The following ERBB4 variants were observed in gnomAD, a reference collection of about 807,000 sequenced individuals.
ERBB4 encodes receptor tyrosine-protein kinase erbB-4.
Under a neutral mutation model 158.0 loss-of-function variants are expected in ERBB4, and 42 were observed. The ratio of observed to expected loss-of-function variants is 0.27; its 90% CI spans 0.21 to 0.34. The LOEUF (loss-of-function observed/expected upper bound fraction) is 0.34, where lower values mean the gene tolerates loss of function less well. Ranked by LOEUF, ERBB4 falls within the 10% of genes least tolerant of loss-of-function variation. The pLI, the probability that ERBB4 is intolerant of heterozygous loss-of-function variation, is 1.00. For synonymous variants in ERBB4, 583 were observed against 558.7 expected, an observed-to-expected ratio of 1.04 and a Z score of -0.61; for missense variants, 1,333 against 1,624.1, an observed-to-expected ratio of 0.82 and a Z score of 3.08.
At chr2:211,775,317 T>C (rs2075845770) in intron 4 of ERBB4, among the ~76,000 whole-genome samples, 1 of 152,182 alleles carries the variant, frequency 6.6e-6, no homozygotes, top group Non-Finnish European at 1.5e-5. Flanking sequence ...TGTAAAGTTA[T>C]TTCTAGTTAA....
At position 212,430,896 on chromosome 2, in the gene ERBB4, G is replaced by C. The variant is rs541050912; in HGVS notation, c.82+107553C>G. 5.9e-5 allele frequency among the ~76,000 whole-genome samples: 9 copies of C among 152,120 alleles called. No homozygotes were observed. In the East Asian group the frequency reaches 1.6e-3, roughly 26 times the overall value. Reference sequence around the variant, plus strand: ...AGACAGTGACACAAAGACAAGGAGAGACAGAGACAAAGATTGAGATTGTGG... The same window carrying C: ...AGACAGTGACACAAAGACAAGGAGACACAGAGACAAAGATTGAGATTGTGG... On this transcript the variant is annotated intron_variant, in intron 1 of 27. Transcript: ENST00000342788.
rs1422763920 is a variant in ERBB4 at position 211,773,629 on chromosome 2, T to A, written c.556+14396A>T. On this transcript the variant is annotated intron_variant, in intron 4 of 27. Coordinates refer to ENST00000342788, the MANE Select transcript of ERBB4 (RefSeq NM_005235.3). ...ATATATATATATATATATATATATATATATATATATATATATATAATATAT... is the reference window on the plus strand; with the variant it reads ...ATATATATATATATATATATATATAAATATATATATATATATATAATATAT... Among the ~76,000 whole-genome samples the A allele has an allele frequency of 2.0e-4, 10 of 51,060 alleles. 1 individual carries two copies. Among genetic ancestry groups the A allele is most frequent in the Non-Finnish European group, 2.0e-4 (5 of 24,614 alleles). 33.5% of individuals were successfully genotyped at this position (51,060 alleles called of 152,430 possible).
At chr2:212,053,805 A>G (rs2077473167) in intron 2 of ERBB4, among the ~76,000 whole-genome samples, 1 of 152,178 alleles carries the variant, frequency 6.6e-6, no homozygotes, top group Admixed American at 6.5e-5. Context: ...AATCTTACGC[A>G]TATTCAGGTT....
chr2:211,974,029 A>G (rs1254856273), intron 2 of ERBB4, among the ~76,000 whole-genome samples: 2 of 152,346 alleles, frequency 1.3e-5, no homozygotes, highest in African/African-American at 4.8e-5. Flanking sequence ...GAGGTGAACA[A>G]TGAGAACACA....
chr2:211,951,016 A>C (rs1282789384), intron 2 of ERBB4, among the ~76,000 whole-genome samples: 1 of 152,184 alleles, frequency 6.6e-6, no homozygotes, highest in Non-Finnish European at 1.5e-5. Flanking sequence ...ATTATTAAAA[A>C]GTTTTCTTTA....
chr2:211,873,661 AACTGT>A (rs1227454978), intron 3 of ERBB4, among the ~76,000 whole-genome samples: 1 of 150,576 alleles, frequency 6.6e-6, no homozygotes, highest in African/African-American at 2.5e-5. Context: ...TCCATTGTGT[AACTGT>A]ACAACATAAA....
chr2:211,766,695 A>G (rs1575115256), intron 4 of ERBB4, among the ~76,000 whole-genome samples: 1 of 152,304 alleles, frequency 6.6e-6, no homozygotes, highest in East Asian at 1.9e-4. Flanking sequence ...AGGCAGGAGA[A>G]CAGGGTCTGA....
At chr2:212,102,045 AT>A (rs1459651039) in intron 2 of ERBB4, among the ~76,000 whole-genome samples, 2 of 138,068 alleles carry the variant, frequency 1.4e-5, no homozygotes, top group Admixed American at 7.6e-5. Context: ...ACTTGTCCTT[AT>A]TTTTTGCCTT....
At chr2:211,858,244 G>T (rs1575260400) in intron 3 of ERBB4, among the ~76,000 whole-genome samples, 1 of 152,160 alleles carries the variant, frequency 6.6e-6, no homozygotes, top group Non-Finnish European at 1.5e-5. Context: ...GCATAAAGAT[G>T]ACTTGGCTGA....
chr2:212,375,972 C>T (rs1236467489), intron 1 of ERBB4, among the ~76,000 whole-genome samples: 1 of 152,018 alleles, frequency 6.6e-6, no homozygotes, highest in African/African-American at 2.4e-5. Flanking sequence ...GAAGATGAAG[C>T]CTGCAGTGGC....
intron 2 of ERBB4, among the ~76,000 whole-genome samples, chr2:212,089,956 G>C (rs2078724789): frequency 6.6e-6 from 1 of 152,140 alleles, no homozygotes; most frequent in African/African-American, 2.4e-5. Context: ...AGTACAAGGT[G>C]TGCTTATAAA....
chr2:212,160,585 G>A (rs533427716), intron 1 of ERBB4, among the ~76,000 whole-genome samples: 8 of 152,062 alleles, frequency 5.3e-5, no homozygotes, highest in South Asian at 4.1e-4. Flanking sequence ...TTTTTATGAC[G>A]CAGTCATGGT....
chr2:211,865,230 T>C (rs1317836640), intron 3 of ERBB4, among the ~76,000 whole-genome samples: 2 of 151,346 alleles, frequency 1.3e-5, no homozygotes, highest in Non-Finnish European at 2.9e-5. Flanking sequence ...TATATATAGA[T>C]ATATCATAAA....
chr2:212,327,899 G>T (rs2087935354), intron 1 of ERBB4, among the ~76,000 whole-genome samples: 1 of 150,776 alleles, frequency 6.6e-6, no homozygotes, highest in Non-Finnish European at 1.5e-5. Context: ...ATAAGGCATA[G>T]ATACTCTTTC....
chr2:212,455,541 C>G (rs550243032), intron 1 of ERBB4, among the ~76,000 whole-genome samples: 57 of 144,388 alleles, frequency 3.9e-4, no homozygotes, highest in African/African-American at 1.5e-3. Context: ...TTTATTTTGA[C>G]ACTCTAAATT....
At chr2:211,713,464 T>G (rs1207266139) in intron 8 of ERBB4, 71 bp downstream of exon 8, 6 of 907,766 alleles carry the variant, frequency 6.6e-6, no homozygotes, top group Non-Finnish European at 9.2e-6. Flanking sequence ...AAAGTTGGTC[T>G]ACTTAAAAGT....
intron 2 of ERBB4, among the ~76,000 whole-genome samples, chr2:212,016,960 G>T (rs2076542881): frequency 6.6e-6 from 1 of 152,022 alleles, no homozygotes; most frequent in South Asian, 2.1e-4. Context: ...AGTGCCAGAT[G>T]CATGGAAAAC....
chr2:211,756,541 A>G (rs2075291338), intron 4 of ERBB4, among the ~76,000 whole-genome samples: 1 of 152,200 alleles, frequency 6.6e-6, no homozygotes, highest in South Asian at 2.1e-4. Context: ...AATGGGTATT[A>G]TGGAGTTGGC....
intron 3 of ERBB4, among the ~76,000 whole-genome samples, chr2:211,802,811 C>G (rs1244492509): frequency 6.6e-5 from 10 of 152,252 alleles, no homozygotes; most frequent in African/African-American, 2.4e-4. Flanking sequence ...GTGGAGAAGA[C>G]GCTCCCTTTT....
Sources: gnomAD v4.1 joint callset for allele counts (sites outside exome capture counted in the v4.1 genomes callset) on GRCh38, gnomAD v4.1.1 for gene constraint, MANE v1.5 for transcripts, NCBI Gene and HGNC (gene_info 2026-07-23, HGNC 2026-07-21) for gene names.